Variants in CDIP1 observed in about 807,000 individuals in gnomAD.
The protein encoded by CDIP1 is cell death-inducing p53-target protein 1.
CDIP1 carries 9 observed loss-of-function variants against 17.7 expected under a neutral mutation model. The ratio of observed to expected loss-of-function variants is 0.51; its 90% CI spans 0.31 to 0.89. The LOEUF (loss-of-function observed/expected upper bound fraction) is 0.89. Ranked by LOEUF, CDIP1 falls within the 40% of genes least tolerant of loss-of-function variation. The pLI is 0.05. For synonymous variants in CDIP1, 117 were observed against 109.5 expected, an observed-to-expected ratio of 1.07 and a Z score of -0.43; for missense variants, 263 against 277.9, an observed-to-expected ratio of 0.95 and a Z score of 0.38.
chr16:4,525,200 G>A (rs1442938596), intron 1 of CDIP1, among the ~76,000 whole-genome samples: 4 of 152,082 alleles, frequency 2.6e-5, no homozygotes, highest in Non-Finnish European at 5.9e-5. Flanking sequence ...CTTTCTTTAG[G>A]TCACATGACA....
At position 4,512,449 on chromosome 16, in the gene CDIP1, C is replaced by A; in HGVS notation, c.*123G>T. The A allele has an allele frequency of 1.4e-6, 1 of 731,804 alleles. No homozygotes were observed. The highest frequency in any genetic ancestry group is 2.4e-6 in the Non-Finnish European group (1 of 409,638). The allele number at this position is 731,804 out of a possible 1,614,324, so 45.3% of individuals were successfully genotyped here. A position where few individuals can be genotyped will look rare whatever the true frequency, so the allele number is the denominator to read the frequency against. ...GTAGGGCAGGGTGAAGAGGACAGGA[C>A]TTCTAGGGGATGGTGGCACGGCTCC... On this transcript the variant is annotated 3_prime_UTR_variant, in exon 6 of 6. Coordinates refer to ENST00000567695, the MANE Select transcript of CDIP1 (RefSeq NM_013399.3). This position sits in a 1 kb window ranked among gnomAD's most constrained non-coding sequence, Gnocchi z 4.6.
chr16:4,512,953 G>A lies in CDIP1; in HGVS notation c.353C>T (p.Pro118Leu), dbSNP rs997784130. ...PGGHTATVLV[P>L]SGAATTVTVL... ...TGTCACCGTGGTGGCAGCTCCTGAA[G>A]GGACCAGGACTGTGGCTGTGTGGCC... Residue 118 changes from proline (P) to leucine (L), a missense_variant, in exon 5 of 6, where the codon CCT (proline) becomes CTT (leucine). Pro to Leu is a moderately conservative substitution (Grantham distance 98). Transcript: ENST00000567695. This position sits in a 1 kb window ranked among gnomAD's most constrained non-coding sequence, Gnocchi z 4.6. The A allele has an allele frequency of 2.5e-6, 4 of 1,586,648 alleles. No individual in the cohort carries two copies. Among genetic ancestry groups the A allele is most frequent in the Non-Finnish European group, 2.6e-6 (3 of 1,167,290 alleles).
Position 4,513,570 on chromosome 16 carries a change from G to T in CDIP1, c.241+126C>A. On this transcript the variant is annotated intron_variant, in intron 4 of 5. Transcript: ENST00000567695. This position sits in a 1 kb window ranked among gnomAD's most constrained non-coding sequence, Gnocchi z 4.1. ...CACACACAGCCTGAGCCCTAGGCAA[G>T]GGCTGGTTGGGCGTGTTGGAGTCCC... The T allele has an allele frequency of 1.3e-6, 1 of 795,120 alleles. No homozygotes were observed. Among genetic ancestry groups the T allele is most frequent in the South Asian group, 1.6e-5 (1 of 60,616 alleles). The allele number at this position is 795,120 out of a possible 1,614,324, so 49.3% of individuals were successfully genotyped here.
At chr16:4,531,220 G>C (rs2059053855) in intron 1 of CDIP1, among the ~76,000 whole-genome samples, 1 of 151,942 alleles carries the variant, frequency 6.6e-6, no homozygotes. Context: ...AGTACAGATG[G>C]GGTTTCACCG....
chr16:4,534,220 G>A (rs1042034157), intron 1 of CDIP1, among the ~76,000 whole-genome samples: 37 of 97,816 alleles, frequency 3.8e-4, no homozygotes, highest in African/African-American at 9.1e-4. Flanking sequence ...CAAAGTGCTG[G>A]GAATACAGCC....
chr16:4,532,970 G>A (rs961730485), intron 1 of CDIP1: 2 of 152,282 alleles, frequency 1.3e-5, no homozygotes, highest in African/African-American at 4.8e-5. Flanking sequence ...ACTCAGCAGA[G>A]CCATCACCAT....
At chr16:4,519,124 T>TAGGAG in intron 1 of CDIP1, among the ~76,000 whole-genome samples, 1 of 152,154 alleles carries the variant, frequency 6.6e-6, no homozygotes, top group African/African-American at 2.4e-5. Context: ...AGTAAGTCAC[T>TAGGAG]CCTATGGAAG....
At chr16:4,538,198 G>C (rs913899465) in intron 1 of CDIP1, 3 of 152,244 alleles carry the variant, frequency 2.0e-5, no homozygotes, top group African/African-American at 7.2e-5. Context: ...GCACACAGCG[G>C]GGCGCCCGCC....
In CDIP1 at chr16:4,520,204, C is replaced by T. The variant is rs577400156; in HGVS notation, c.-104-5540G>A. 4.6e-5 allele frequency among the ~76,000 whole-genome samples: 7 copies of T among 152,084 alleles called. No homozygotes were observed. The East Asian group carries it at 5.8e-4, about 13-fold the overall frequency. ...TTGGCTCACTGCAGCCTCCGCCTCC[C>T]GGGTTCAAGCGATTCTCCTGCCTCA... On this transcript the variant is annotated intron_variant, in intron 1 of 5. Transcript: ENST00000567695.
At position 4,517,152 on chromosome 16, in the gene CDIP1, G is replaced by A. The variant is rs1596486775; in HGVS notation, c.-104-2488C>T. On this transcript the variant is annotated intron_variant, in intron 1 of 5. Transcript: ENST00000567695. ...AAGCTTGTCAGAGTGAGATGACTAG[G>A]TCAAAGGACATGAGCATTTTATGCC... Among the ~76,000 whole-genome samples the A allele has an allele frequency of 2.6e-5, 4 of 152,184 alleles. No individual in the cohort carries two copies. The East Asian group carries it at 7.7e-4, about 29-fold the overall frequency.
In CDIP1 at chr16:4,536,008, C is replaced by G. The variant is rs139984482; in HGVS notation, c.-105+2694G>C. Among the ~76,000 whole-genome samples, 1,187 of 152,328 alleles carry G rather than the reference C, an allele frequency of 7.8e-3. 39 individuals carry two copies. Among genetic ancestry groups the G allele is most frequent in the Admixed American group, 0.074 (1,128 of 15,286 alleles). Reference sequence around the variant, plus strand: ...GAAAGGGAACCTCCTGTCACCACTGCCGGCCTGGCTCTCTCTCTCCATCCT... The same window carrying G: ...GAAAGGGAACCTCCTGTCACCACTGGCGGCCTGGCTCTCTCTCTCCATCCT... On this transcript the variant is annotated intron_variant, in intron 1 of 5. Transcript: ENST00000567695.
chr16:4,519,413 T>C (rs551316330), intron 1 of CDIP1, among the ~76,000 whole-genome samples: 72 of 152,374 alleles, frequency 4.7e-4, no homozygotes, highest in South Asian at 3.3e-3. Flanking sequence ...CCCCCACTTC[T>C]GATCATCGCA....
In CDIP1 at chr16:4,512,181, GACTA is replaced by G; in HGVS notation, c.*387_*390del. On this transcript the variant is annotated 3_prime_UTR_variant, in exon 6 of 6. Coordinates refer to ENST00000567695, the MANE Select transcript of CDIP1 (RefSeq NM_013399.3). The surrounding 1 kb of genome is among the most constrained non-coding windows in gnomAD (Gnocchi z 4.6). ...AAACGCCTGTGGCCACAGGCCTGGG[GACTA>G]ACTGGCTAACTGCTCTGGCTGCTGT... The G allele has an allele frequency of 4.0e-6, 1 of 247,762 alleles. No individual in the cohort carries two copies. The highest frequency in any genetic ancestry group is 5.0e-5 in the South Asian group (1 of 20,164). 15.3% of individuals were successfully genotyped at this position (247,762 alleles called of 1,614,324 possible). A position where few individuals can be genotyped will look rare whatever the true frequency, so the allele number is the denominator to read the frequency against.
chr16:4,513,945 CA>C lies in CDIP1; in HGVS notation c.86-95del. ...ACTGTTTTGGGACACAGATGGGGCC[CA>C]GGGGTAACCCTGGAGTGGGCATCAC... On this transcript the variant is annotated intron_variant, in intron 3 of 5. Coordinates refer to ENST00000567695, the MANE Select transcript of CDIP1 (RefSeq NM_013399.3). The surrounding 1 kb of genome is among the most constrained non-coding windows in gnomAD (Gnocchi z 4.1). The C allele has an allele frequency of 2.9e-6, 4 of 1,392,666 alleles. No individual in the cohort carries two copies. Among genetic ancestry groups the C allele is most frequent in the Non-Finnish European group, 3.9e-6 (4 of 1,029,552 alleles). 86.3% of individuals were successfully genotyped at this position (1,392,666 alleles called of 1,614,324 possible). A position where few individuals can be genotyped will look rare whatever the true frequency, so the allele number is the denominator to read the frequency against.
chr16:4,516,325 T>C (rs149444770), intron 1 of CDIP1, among the ~76,000 whole-genome samples: 54 of 152,314 alleles, frequency 3.5e-4, no homozygotes, highest in African/African-American at 1.2e-3. Flanking sequence ...CTGAAACCGA[T>C]TGTAGCAACA....
chr16:4,521,758 A>T (rs1014308412), intron 1 of CDIP1, among the ~76,000 whole-genome samples: 1 of 151,020 alleles, frequency 6.6e-6, no homozygotes, highest in Non-Finnish European at 1.5e-5. Flanking sequence ...CTTAATTCAA[A>T]CCCAGACCCC....
At chr16:4,520,065 T>C (rs60616949) in intron 1 of CDIP1, among the ~76,000 whole-genome samples, 74 of 152,072 alleles carry the variant, frequency 4.9e-4, no homozygotes, top group African/African-American at 1.8e-3. Context: ...TCAGGTATTC[T>C]GTTAGAGAAG....
At position 4,514,577 on chromosome 16, in the gene CDIP1, C is replaced by T. The variant is rs558836918; in HGVS notation, c.-17G>A. On this transcript the variant is annotated splice_region_variant and 5_prime_UTR_variant, in exon 2 of 6. Coordinates refer to ENST00000567695, the MANE Select transcript of CDIP1 (RefSeq NM_013399.3). This position sits in a 1 kb window ranked among gnomAD's most constrained non-coding sequence, Gnocchi z 5.2. ...GGGGGTTCTGGGGGATTTCTTACCT[C>T]AAATCCGTGCTACTCAGAGAAGGGA... 1.2e-5 allele frequency: 2 copies of T among 161,500 alleles called. No homozygotes were observed. The highest frequency in any genetic ancestry group is 3.6e-4 in the East Asian group (2 of 5,562). The allele number at this position is 161,500 out of a possible 1,614,324, so 10.0% of individuals were successfully genotyped here.
In CDIP1 at chr16:4,531,276, C is replaced by T. The variant is rs150573072; in HGVS notation, c.-105+7426G>A. ...ATCTCCCGACCTCGTGATCCGCCTA[C>T]CTCGGCCTCCCAAAGTGCTGGGATT... On this transcript the variant is annotated intron_variant, in intron 1 of 5. Coordinates refer to ENST00000567695, the MANE Select transcript of CDIP1 (RefSeq NM_013399.3). Among the ~76,000 whole-genome samples the T allele has an allele frequency of 2.6e-3, 398 of 152,126 alleles. 2 individuals are homozygous for T. The highest frequency in any genetic ancestry group is 8.8e-3 in the African/African-American group (367 of 41,506).
Sources: allele counts gnomAD v4.1 joint callset (sites outside exome capture counted in the v4.1 genomes callset), GRCh38; gene constraint gnomAD v4.1.1; non-coding constraint Gnocchi (gnomAD v3.1); transcripts MANE v1.5; gene names NCBI Gene and HGNC (gene_info 2026-07-23, HGNC 2026-07-21).